The following PLAGL1 variants were observed in gnomAD, a reference collection of about 807,000 sequenced individuals.
PLAGL1 encodes the protein zinc finger protein PLAGL1.
In PLAGL1, 1 loss-of-function variant was observed where a neutral mutation model predicts 4.6. The observed-to-expected ratio is 0.22, with a 90% CI of 0.08 to 1.03. The LOEUF (loss-of-function observed/expected upper bound fraction) is 1.03, where lower values mean the gene tolerates loss of function less well. Ranked by LOEUF, PLAGL1 falls within the 50% of genes least tolerant of loss-of-function variation. The probability of loss-of-function intolerance (pLI) is 0.58; values close to 1 mark genes in which losing one functional copy is unlikely to be tolerated. For missense variants in PLAGL1, 464 were observed against 570.4 expected, an observed-to-expected ratio of 0.81 and a Z score of 1.90; for synonymous variants, 240 against 237.8, an observed-to-expected ratio of 1.01 and a Z score of -0.08.
Position 144,062,876 on chromosome 6 carries a change from T to C in PLAGL1, c.-151+1592A>G, listed in dbSNP as rs140095612. On this transcript the variant is annotated intron_variant, in intron 1 of 3. Coordinates refer to the PLAGL1 transcript ENST00000437412. ...GCCTTCAGACAGACCGGGGTTACCATAGGGCAGGACACATTGGCGATTACT... is the reference window on the plus strand; with the variant it reads ...GCCTTCAGACAGACCGGGGTTACCACAGGGCAGGACACATTGGCGATTACT... 1.8e-4 allele frequency among the ~76,000 whole-genome samples: 27 copies of C among 152,310 alleles called. No individual in the cohort carries two copies. The East Asian group carries it at 4.0e-3, about 23-fold the overall frequency.
In PLAGL1 at chr6:144,004,136, T is replaced by C. The variant is rs1194968885; in HGVS notation, c.-584+3954A>G. Among the ~76,000 whole-genome samples the C allele has an allele frequency of 6.6e-6, 1 of 152,218 alleles. No individual in the cohort carries two copies. Among genetic ancestry groups the C allele is most frequent in the Admixed American group, 6.5e-5 (1 of 15,286 alleles). On this transcript the variant is annotated intron_variant, in intron 1 of 7. Transcript: ENST00000674357. This position sits in a 1 kb window ranked among gnomAD's most constrained non-coding sequence, Gnocchi z 4.2. The stretch of plus-strand genomic sequence containing the variant: ...TAGGCTTTGTGGGCCATATGGCCTC[T>C]ATAACAACTACTCAACTCTGCCAAA...
rs1198321460 is a variant in PLAGL1, at chr6:143,949,925, A to C, written c.-324-1465T>G. 6.6e-6 allele frequency among the ~76,000 whole-genome samples: 1 copy of C among 152,238 alleles called. No homozygotes were observed. Among genetic ancestry groups the C allele is most frequent in the Non-Finnish European group, 1.5e-5 (1 of 68,046 alleles). On this transcript the variant is annotated intron_variant, in intron 6 of 7. Coordinates refer to ENST00000674357, the MANE Select transcript of PLAGL1 (RefSeq NM_001317162.2). The surrounding 1 kb of genome is among the most constrained non-coding windows in gnomAD (Gnocchi z 5.3). ...AACTAGATGAAACTTTATTGTAATA[A>C]CAGTTTAAACATGTTTAAATATAGC...
intron 1 of PLAGL1, among the ~76,000 whole-genome samples, chr6:144,052,664 C>T (rs1193796552): frequency 6.6e-6 from 1 of 152,102 alleles, no homozygotes; most frequent in East Asian, 1.9e-4. Context: ...ATTGGGGACT[C>T]AATATGCTGG....
chr6:143,991,056 T>C (rs1790366213), intron 1 of PLAGL1, among the ~76,000 whole-genome samples: 1 of 152,218 alleles, frequency 6.6e-6, no homozygotes, highest in South Asian at 2.1e-4. Flanking sequence ...ATTTCATTGT[T>C]TCTTAGTTGT....
chr6:144,052,574 G>C (rs1798651799), intron 1 of PLAGL1, among the ~76,000 whole-genome samples: 1 of 152,098 alleles, frequency 6.6e-6, no homozygotes, highest in Non-Finnish European at 1.5e-5. Context: ...CAAATGAATG[G>C]ATGAATATAT....
chr6:144,029,843 C>T (rs1200049751), intron 1 of PLAGL1, among the ~76,000 whole-genome samples: 1 of 152,224 alleles, frequency 6.6e-6, no homozygotes, highest in African/African-American at 2.4e-5. Flanking sequence ...ACTGTTTGAT[C>T]TCACATTTCC....
rs1448550516 is a variant in PLAGL1 at position 144,016,723 on chromosome 6, A to C, written c.-151+47745T>G. Among the ~76,000 whole-genome samples, 1 of 152,216 alleles carries C rather than the reference A, an allele frequency of 6.6e-6. No homozygotes were observed. Among genetic ancestry groups the C allele is most frequent in the Admixed American group, 6.5e-5 (1 of 15,288 alleles). On this transcript the variant is annotated intron_variant, in intron 1 of 3. Transcript: ENST00000437412. This position sits in a 1 kb window ranked among gnomAD's most constrained non-coding sequence, Gnocchi z 4.2. The stretch of plus-strand genomic sequence containing the variant: ...TTTGTCATACTGCACTGAATGATAC[A>C]CCTAAAATACATCCACTTGATTACA...
In PLAGL1 at chr6:143,966,959, A is replaced by G. The variant is rs1052171952; in HGVS notation, c.-471-761T>C. The G allele has an allele frequency of 2.0e-4, 30 of 152,214 alleles. No individual in the cohort carries two copies. The highest frequency in any genetic ancestry group is 6.5e-4 in the African/African-American group (27 of 41,456). The allele number at this position is 152,214 out of a possible 1,614,324, so 9.4% of individuals were successfully genotyped here. A position where few individuals can be genotyped will look rare whatever the true frequency, so the allele number is the denominator to read the frequency against. On this transcript the variant is annotated intron_variant, in intron 3 of 7. Coordinates refer to ENST00000674357, the MANE Select transcript of PLAGL1 (RefSeq NM_001317162.2). This position sits in a 1 kb window ranked among gnomAD's most constrained non-coding sequence, Gnocchi z 6.0. ...GGGTTTTACTCTACCTCAGTCCACT[A>G]TGCAGCATGCATACTCTACTTAATA...
At chr6:144,032,205 C>G (rs1796883664) in intron 1 of PLAGL1, among the ~76,000 whole-genome samples, 1 of 151,082 alleles carries the variant, frequency 6.6e-6, no homozygotes. Flanking sequence ...ACTGCAGCCT[C>G]AACTTCCTGG....
chr6:143,985,419 CAT>C lies in PLAGL1; in HGVS notation c.-583-247_-583-246del, dbSNP rs772795067. 6.6e-6 allele frequency among the ~76,000 whole-genome samples: 1 copy of C among 152,114 alleles called. No individual in the cohort carries two copies. Among genetic ancestry groups the C allele is most frequent in the Non-Finnish European group, 1.5e-5 (1 of 68,016 alleles). On this transcript the variant is annotated intron_variant, in intron 1 of 7. Coordinates refer to ENST00000674357, the MANE Select transcript of PLAGL1 (RefSeq NM_001317162.2). This position sits in a 1 kb window ranked among gnomAD's most constrained non-coding sequence, Gnocchi z 4.4. ...ATTAGTGTGTTTTATAGTTTTATCA[CAT>C]GTGTAGGCTCACATATCTACCACTA...
In PLAGL1 at chr6:143,990,852, T is replaced by A. The variant is rs980295902; in HGVS notation, c.-583-5678A>T. Among the ~76,000 whole-genome samples the A allele has an allele frequency of 6.6e-6, 1 of 152,212 alleles. No homozygotes were observed. The highest frequency in any genetic ancestry group is 1.5e-5 in the Non-Finnish European group (1 of 68,030). On this transcript the variant is annotated intron_variant, in intron 1 of 7. Coordinates refer to ENST00000674357, the MANE Select transcript of PLAGL1 (RefSeq NM_001317162.2). The surrounding 1 kb of genome is among the most constrained non-coding windows in gnomAD (Gnocchi z 5.4). ...CAGACACATTCCTTAGAATATCTCATTGTTTTTCATTATTTTTAATTGAGA... is the reference window on the plus strand; with the variant it reads ...CAGACACATTCCTTAGAATATCTCAATGTTTTTCATTATTTTTAATTGAGA...
chr6:144,034,094 A>G lies in PLAGL1; in HGVS notation c.-151+30374T>C, dbSNP rs1008569501. Among the ~76,000 whole-genome samples, 1 of 152,198 alleles carries G rather than the reference A, an allele frequency of 6.6e-6. No individual in the cohort carries two copies. The highest frequency in any genetic ancestry group is 1.5e-5 in the Non-Finnish European group (1 of 68,042). On this transcript the variant is annotated intron_variant, in intron 1 of 3. Transcript: ENST00000437412. This position sits in a 1 kb window ranked among gnomAD's most constrained non-coding sequence, Gnocchi z 4.7. ...AAACTGCAGACTTCAATTTTCCTGG[A>G]GTCTTTTATACTGTTAATTACATCT... is the stretch of plus-strand genomic sequence containing the variant.
rs1236580657 is a variant in PLAGL1, at chr6:144,063,770, C to T, written c.-151+698G>A. 2.6e-5 allele frequency among the ~76,000 whole-genome samples: 4 copies of T among 152,210 alleles called. No individual in the cohort carries two copies. The highest frequency in any genetic ancestry group is 5.9e-5 in the Non-Finnish European group (4 of 68,020). On this transcript the variant is annotated intron_variant, in intron 1 of 3. Coordinates refer to the PLAGL1 transcript ENST00000437412. This position sits in a 1 kb window ranked among gnomAD's most constrained non-coding sequence, Gnocchi z 5.7. ...TACAAACCCAACACGGCTGTGCACCCGCCAAAGTGCCCACGCCCACCGTGG... is the reference window on the plus strand; with the variant it reads ...TACAAACCCAACACGGCTGTGCACCTGCCAAAGTGCCCACGCCCACCGTGG...
chr6:143,951,503 C>G (rs1478052788), intron 6 of PLAGL1, among the ~76,000 whole-genome samples: 2 of 152,260 alleles, frequency 1.3e-5, no homozygotes, highest in African/African-American at 4.8e-5. Context: ...GCTTACCAAA[C>G]ACACTAGGAG....
chr6:143,972,637 A>G lies in PLAGL1; in HGVS notation c.-543-3659T>C, dbSNP rs149144764. ...TTCCCATGCAATACACACAATCCAG[A>G]ATGGCATGAATCACTGGCTTGAGTG... On this transcript the variant is annotated intron_variant, in intron 2 of 7. Transcript: ENST00000674357. The surrounding 1 kb of genome is among the most constrained non-coding windows in gnomAD (Gnocchi z 6.8). Among the ~76,000 whole-genome samples, 39 of 152,294 alleles carry G rather than the reference A, an allele frequency of 2.6e-4. No individual in the cohort carries two copies. In the East Asian group the frequency reaches 4.8e-3, roughly 19 times the overall value.
intron 7 of PLAGL1, among the ~76,000 whole-genome samples, chr6:143,943,031 A>ATTTTTTTTTTTTTTTTTT (rs61216054): frequency 1.1e-4 from 7 of 64,646 alleles, no homozygotes; most frequent in South Asian, 8.9e-4. Flanking sequence ...GGCCTGGCTA[A>ATTTTTTTTTTTTTTTTTT]TTTTTTTTTT....
intron 1 of PLAGL1, among the ~76,000 whole-genome samples, chr6:144,019,757 T>C (rs1337504884): frequency 2.7e-5 from 4 of 147,386 alleles, no homozygotes; most frequent in Non-Finnish European, 4.5e-5. Flanking sequence ...AGCTTTTTGT[T>C]TTGAAAAATT....
At chr6:144,021,625 C>A (rs1352008159) in intron 1 of PLAGL1, among the ~76,000 whole-genome samples, 1 of 152,204 alleles carries the variant, frequency 6.6e-6, no homozygotes, top group Non-Finnish European at 1.5e-5. Flanking sequence ...ACATGGAGGT[C>A]ATTTCTGATA....
At position 144,036,373 on chromosome 6, in the gene PLAGL1, TAG is replaced by T. The variant is rs1797243519; in HGVS notation, c.-151+28093_-151+28094del. ...GTGCAAGTGTGCAATGCTTCAGTCTTAGTGACTGAAGACAGCCAGCCCACATG... is the reference window on the plus strand; with the variant it reads ...GTGCAAGTGTGCAATGCTTCAGTCTTTGACTGAAGACAGCCAGCCCACATG... On this transcript the variant is annotated intron_variant, in intron 1 of 3. Transcript: ENST00000437412. This position sits in a 1 kb window ranked among gnomAD's most constrained non-coding sequence, Gnocchi z 5.1. Among the ~76,000 whole-genome samples the T allele has an allele frequency of 6.6e-6, 1 of 152,278 alleles. No homozygotes were observed. Among genetic ancestry groups the T allele is most frequent in the African/African-American group, 2.4e-5 (1 of 41,552 alleles).
Sources: allele counts gnomAD v4.1 joint callset (sites outside exome capture counted in the v4.1 genomes callset), GRCh38; gene constraint gnomAD v4.1.1; non-coding constraint Gnocchi (gnomAD v3.1); transcripts MANE v1.5; gene names NCBI Gene and HGNC (gene_info 2026-07-23, HGNC 2026-07-21).